Variants in PDE1C observed in about 807,000 individuals in gnomAD.
The protein encoded by PDE1C is phosphodiesterase 1C.
Under a neutral mutation model 93.1 loss-of-function variants are expected in PDE1C, and 62 were observed. That is an observed-to-expected ratio of 0.67 (90% CI 0.54 to 0.82). The LOEUF (loss-of-function observed/expected upper bound fraction) is 0.82. Among genes scored for constraint, PDE1C ranks in the 40% least tolerant of loss-of-function variants. The pLI is 0.00. For missense variants in PDE1C, 742 were observed against 884.6 expected (o/e 0.84, Z 2.04); for synonymous variants, 325 against 310.1 (o/e 1.05, Z -0.50).
At chr7:31,931,097 A>C (rs1448564702) in intron 2 of PDE1C, among the ~76,000 whole-genome samples, 6 of 152,156 alleles carry the variant, frequency 3.9e-5, no homozygotes, top group Admixed American at 2.0e-4. Context: ...TCAAAATAAT[A>C]AGAGTTATTT....
At chr7:32,031,435 G>T (rs894787222) in intron 2 of PDE1C, among the ~76,000 whole-genome samples, 1 of 152,100 alleles carries the variant, frequency 6.6e-6, no homozygotes, top group Non-Finnish European at 1.5e-5. Flanking sequence ...CTAAACTCCA[G>T]GTCTAGATGA....
rs149352335 is a variant in PDE1C at position 31,851,408 on chromosome 7, T to C, written c.751-667A>G. Among the ~76,000 whole-genome samples, 1,373 of 152,330 alleles carry C rather than the reference T, an allele frequency of 9.0e-3. 24 individuals are homozygous for C. Among genetic ancestry groups the C allele is most frequent in the African/African-American group, 0.031 (1,307 of 41,580 alleles). On this transcript the variant is annotated intron_variant, in intron 7 of 17. Transcript: ENST00000396191. ...ATCTCACTGGATCAGAAACGCTAGG[T>C]TGTGGCCCAGCAATCTGTGCTTTAC...
intron 1 of PDE1C, among the ~76,000 whole-genome samples, chr7:32,252,721 C>A (rs1809481230): frequency 6.6e-6 from 1 of 152,140 alleles, no homozygotes; most frequent in South Asian, 2.1e-4. Flanking sequence ...CAGTGCTGCT[C>A]AAACTATGTA....
intron 3 of PDE1C, 143 bp from the exon 4 acceptor site, chr7:31,879,321 T>A (rs1796974307): frequency 2.6e-6 from 2 of 756,440 alleles, no homozygotes; most frequent in African/African-American, 1.8e-5. Flanking sequence ...ATACAGTGCC[T>A]TTTTGGTAAG....
intron 2 of PDE1C, among the ~76,000 whole-genome samples, chr7:32,190,098 T>C (rs1804137551): frequency 6.6e-6 from 1 of 152,234 alleles, no homozygotes; most frequent in African/African-American, 2.4e-5. Context: ...TCTTATTAGA[T>C]TGCTCTATTG....
the PDE1C span, among the ~76,000 whole-genome samples, chr7:31,650,364 T>TGGA: frequency 6.6e-6 from 1 of 152,104 alleles, no homozygotes; most frequent in African/African-American, 2.4e-5. Context: ...GGAGGCAGAC[T>TGGA]GGAGGGTGGT....
chr7:32,078,419 A>G (rs1309847664), intron 3 of PDE1C, among the ~76,000 whole-genome samples: 4 of 152,178 alleles, frequency 2.6e-5, no homozygotes, highest in South Asian at 2.1e-4. Context: ...TGCCCACTAA[A>G]AAGCATAGGC....
chr7:31,740,649 C>T, the PDE1C span, among the ~76,000 whole-genome samples: 5 of 152,146 alleles, frequency 3.3e-5, no homozygotes, highest in African/African-American at 1.2e-4. Context: ...ATTTCCATAT[C>T]CTTATTTATG....
At chr7:31,772,229 C>T (rs1316960565) in intron 17 of PDE1C, among the ~76,000 whole-genome samples, 1 of 152,208 alleles carries the variant, frequency 6.6e-6, no homozygotes, top group Admixed American at 6.5e-5. Flanking sequence ...AAAGCTAGCT[C>T]GGTCTGGCAG....
At chr7:31,850,152 G>A (rs1793153139) in intron 8 of PDE1C, among the ~76,000 whole-genome samples, 1 of 152,088 alleles carries the variant, frequency 6.6e-6, no homozygotes, top group Admixed American at 6.6e-5. Context: ...GTGCCAGGGA[G>A]TGGTGCAAGC....
downstream of PDE1C, among the ~76,000 whole-genome samples, chr7:31,747,275 CCTCA>C (rs1355908751): frequency 6.6e-6 from 1 of 152,168 alleles, no homozygotes; most frequent in Non-Finnish European, 1.5e-5. Flanking sequence ...TTCTACCTTT[CCTCA>C]CTAGTTCTGC....
At chr7:31,793,484 C>A (rs1256078173) in intron 16 of PDE1C, among the ~76,000 whole-genome samples, 1 of 151,936 alleles carries the variant, frequency 6.6e-6, no homozygotes, top group Non-Finnish European at 1.5e-5. Flanking sequence ...ATTTTCAGGT[C>A]CTAGGAACTC....
chr7:31,710,250 A>G, the PDE1C span, among the ~76,000 whole-genome samples: 2 of 152,232 alleles, frequency 1.3e-5, no homozygotes, highest in Non-Finnish European at 2.9e-5. Flanking sequence ...GGAACTGGCA[A>G]AGCAGTTGGC....
the PDE1C span, among the ~76,000 whole-genome samples, chr7:31,626,618 A>G: frequency 6.6e-6 from 1 of 152,336 alleles, no homozygotes; most frequent in East Asian, 1.9e-4. Flanking sequence ...ATTTGAATCA[A>G]AACAGTTTTT....
intron 3 of PDE1C, among the ~76,000 whole-genome samples, chr7:32,133,028 G>GA (rs1303702055): frequency 6.6e-6 from 1 of 152,116 alleles, no homozygotes; most frequent in Non-Finnish European, 1.5e-5. Context: ...GTTCTGGTTT[G>GA]AATATCTCAA....
intron 2 of PDE1C, among the ~76,000 whole-genome samples, chr7:31,961,632 T>C (rs887174184): frequency 6.6e-6 from 1 of 152,168 alleles, no homozygotes; most frequent in African/African-American, 2.4e-5. Flanking sequence ...TGCCTGTCTA[T>C]AGTTCCATAC....
rs192117212 is a variant in PDE1C, at chr7:32,183,786, A to C, written c.137-13830T>G. On this transcript the variant is annotated intron_variant, in intron 2 of 18. Coordinates refer to the PDE1C transcript ENST00000396193. The stretch of plus-strand genomic sequence containing the variant: ...ACACCAAAAGCAAGGGCAACAAAAG[A>C]CAAAATTGACAAATAGGATCTAATT... Among the ~76,000 whole-genome samples the C allele has an allele frequency of 3.1e-3, 466 of 152,268 alleles. 3 individuals carry two copies. The highest frequency in any genetic ancestry group is 0.011 in the African/African-American group (449 of 41,568).
intron 1 of PDE1C, among the ~76,000 whole-genome samples, chr7:32,347,263 GAGGTACTGA>G (rs1322422034): frequency 3.3e-5 from 5 of 152,314 alleles, no homozygotes; most frequent in African/African-American, 1.2e-4. Context: ...ACCTTCTGCT[GAGGTACTGA>G]ACAGTGCAAC....
At chr7:32,220,622 T>C (rs1001785886) in intron 1 of PDE1C, among the ~76,000 whole-genome samples, 3 of 151,982 alleles carry the variant, frequency 2.0e-5, no homozygotes, top group Non-Finnish European at 2.9e-5. Context: ...GAGACCATCC[T>C]GGCTAACACA....
Sources: allele counts gnomAD v4.1 joint callset (sites outside exome capture counted in the v4.1 genomes callset), GRCh38; gene constraint gnomAD v4.1.1; transcripts MANE v1.5; gene names NCBI Gene and HGNC (gene_info 2026-07-23, HGNC 2026-07-21).